FHOD3: variants seen among roughly 807,000 people sequenced by gnomAD.
The protein encoded by FHOD3 is FH1/FH2 domain-containing protein 3.
Under a neutral mutation model 173.0 loss-of-function variants are expected in FHOD3, and 90 were observed. The ratio of observed to expected loss-of-function variants is 0.52; its 90% CI spans 0.44 to 0.62. The LOEUF is 0.62. Ranked by LOEUF, FHOD3 falls within the 20% of genes least tolerant of loss-of-function variation. The pLI is 0.00. For missense variants in FHOD3, 1,945 were observed against 2,034.7 expected (o/e 0.96, Z 0.85); for synonymous variants, 828 against 823.0 (o/e 1.01, Z -0.10).
intron 3 of FHOD3, among the ~76,000 whole-genome samples, chr18:36,380,180 C>G (rs1330709055): frequency 1.3e-5 from 2 of 152,160 alleles, no homozygotes; most frequent in African/African-American, 4.8e-5. Context: ...GCTGTCATCT[C>G]AAGCCCATAT....
intron 14 of FHOD3, among the ~76,000 whole-genome samples, chr18:36,679,080 A>T (rs150219155): frequency 7.3e-4 from 111 of 152,268 alleles, no homozygotes; most frequent in African/African-American, 2.4e-3. Flanking sequence ...ATTTGTAATT[A>T]ATTAACTCAA....
chr18:36,325,839 A>G (rs2044642935), intron 1 of FHOD3, among the ~76,000 whole-genome samples: 1 of 152,244 alleles, frequency 6.6e-6, no homozygotes, highest in Admixed American at 6.5e-5. Flanking sequence ...ACAAATGCTA[A>G]GACTTCAGAA....
At chr18:36,778,821 T>TA (rs2043882347) in intron 28 of FHOD3, 1 of 152,186 alleles carries the variant, frequency 6.6e-6, no homozygotes, top group Non-Finnish European at 1.5e-5. Context: ...AGAGGCCTTT[T>TA]AGTGAGTTGA....
At chr18:36,552,804 C>A (rs2057716378) in intron 5 of FHOD3, among the ~76,000 whole-genome samples, 1 of 152,076 alleles carries the variant, frequency 6.6e-6, no homozygotes. Flanking sequence ...GGCCAATACC[C>A]TTTATTTCTT....
At chr18:36,565,241 C>CAG (rs1353137745) in intron 5 of FHOD3, among the ~76,000 whole-genome samples, 1 of 152,102 alleles carries the variant, frequency 6.6e-6, no homozygotes, top group Non-Finnish European at 1.5e-5. Flanking sequence ...AAATCCAGTT[C>CAG]AGAGTTAAGA....
intron 3 of FHOD3, among the ~76,000 whole-genome samples, chr18:36,427,782 G>T (rs1337104210): frequency 1.3e-5 from 2 of 152,146 alleles, no homozygotes; most frequent in East Asian, 3.8e-4. Flanking sequence ...ATGGATGAAT[G>T]GATATGTAAA....
chr18:36,724,249 C>G (rs1346181230), intron 19 of FHOD3, among the ~76,000 whole-genome samples: 2 of 152,216 alleles, frequency 1.3e-5, no homozygotes, highest in Non-Finnish European at 1.5e-5. Flanking sequence ...TGCTTATATC[C>G]AGCCGAGCCT....
intron 2 of FHOD3, among the ~76,000 whole-genome samples, chr18:36,363,833 G>C (rs999894099): frequency 7.8e-6 from 1 of 128,572 alleles, no homozygotes; most frequent in Non-Finnish European, 1.6e-5. Context: ...CAGTTAATCT[G>C]TTGTAACAGA....
At chr18:36,541,678 C>T (rs111410668) in intron 5 of FHOD3, among the ~76,000 whole-genome samples, 2 of 152,082 alleles carry the variant, frequency 1.3e-5, no homozygotes, top group African/African-American at 2.4e-5. Flanking sequence ...AGAATGAGCC[C>T]AGGACGTTAG....
chr18:36,300,812 C>A (rs924832582), intron 1 of FHOD3, among the ~76,000 whole-genome samples: 3 of 151,986 alleles, frequency 2.0e-5, no homozygotes, highest in African/African-American at 7.3e-5. Flanking sequence ...GATCATGGCT[C>A]ACTGTAACCT....
At chr18:36,308,190 A>G (rs2092153164) in intron 1 of FHOD3, among the ~76,000 whole-genome samples, 1 of 152,358 alleles carries the variant, frequency 6.6e-6, no homozygotes. Context: ...AGATAGTGCT[A>G]TAATACATAC....
At chr18:36,699,181 A>G (rs1174219227) in intron 17 of FHOD3, among the ~76,000 whole-genome samples, 1 of 152,244 alleles carries the variant, frequency 6.6e-6, no homozygotes, top group Non-Finnish European at 1.5e-5. Context: ...GTTTCCTAAT[A>G]TTAGATTATA....
chr18:36,333,589 C>A (rs2045138240), intron 1 of FHOD3, among the ~76,000 whole-genome samples: 1 of 152,228 alleles, frequency 6.6e-6, no homozygotes, highest in African/African-American at 2.4e-5. Flanking sequence ...ATCCAGTTGT[C>A]CTGCCTGCAG....
At chr18:36,556,074 ATTTG>A (rs1231517093) in intron 5 of FHOD3, among the ~76,000 whole-genome samples, 5 of 151,790 alleles carry the variant, frequency 3.3e-5, no homozygotes, top group Non-Finnish European at 1.5e-5. Flanking sequence ...TCATTTTACT[ATTTG>A]TTTGCTGTTT....
chr18:36,690,937 G>A (rs572975662), intron 16 of FHOD3, among the ~76,000 whole-genome samples: 13 of 152,158 alleles, frequency 8.5e-5, no homozygotes, highest in African/African-American at 2.6e-4. Context: ...TACCATTTTT[G>A]TCTAACACAT....
At chr18:36,683,492 G>A (rs2149418743) in intron 15 of FHOD3, among the ~76,000 whole-genome samples, 1 of 152,272 alleles carries the variant, frequency 6.6e-6, no homozygotes, top group African/African-American at 2.4e-5. Context: ...GAGAGCAGGT[G>A]AAATTAGGAA....
chr18:36,464,967 G>C (rs1184349683), intron 3 of FHOD3, among the ~76,000 whole-genome samples: 2 of 152,070 alleles, frequency 1.3e-5, no homozygotes, highest in Non-Finnish European at 2.9e-5. Flanking sequence ...ACTGCCATGG[G>C]ATGTTTACAA....
intron 7 of FHOD3, among the ~76,000 whole-genome samples, chr18:36,600,252 A>AACACACACACACACACACACAC (rs67473480): frequency 1.4e-5 from 2 of 143,178 alleles, no homozygotes; most frequent in African/African-American, 5.2e-5. Flanking sequence ...TCTCCTCTGC[A>AACACACACACACACACACACAC]ACACACACAC....
At chr18:36,730,909 A>T in intron 20 of FHOD3, 105 bp downstream of exon 20, 1 of 1,212,392 alleles carries the variant, frequency 8.2e-7, no homozygotes, top group South Asian at 1.5e-5. Flanking sequence ...TTCTGTCTCA[A>T]CTAGACTCTG....
Sources: allele counts gnomAD v4.1 joint callset (sites outside exome capture counted in the v4.1 genomes callset), GRCh38; gene constraint gnomAD v4.1.1; transcripts MANE v1.5; gene names NCBI Gene and HGNC (gene_info 2026-07-23, HGNC 2026-07-21).